Variants in NPTXR observed in about 807,000 individuals in gnomAD.
NPTXR encodes the protein neuronal pentraxin receptor.
NPTXR carries 12 observed loss-of-function variants against 32.2 expected under a neutral mutation model. The ratio of observed to expected loss-of-function variants is 0.37; its 90% CI spans 0.24 to 0.60. The LOEUF (loss-of-function observed/expected upper bound fraction) is 0.60, where lower values mean the gene tolerates loss of function less well. NPTXR is among the 20% of genes least tolerant of loss of function. NPTXR has a pLI of 0.66. For synonymous variants in NPTXR, 323 were observed against 315.8 expected, an observed-to-expected ratio of 1.02 and a Z score of -0.24; for missense variants, 612 against 682.9, an observed-to-expected ratio of 0.90 and a Z score of 1.16.
rs899093041 is a variant in NPTXR at position 38,822,435 on chromosome 22, A to G, written c.*174T>C. 8.2e-5 allele frequency: 51 copies of G among 624,442 alleles called. 1 individual carries two copies. The East Asian group carries it at 1.3e-3, about 16-fold the overall frequency. The allele number at this position is 624,442 out of a possible 1,614,324, so 38.7% of individuals were successfully genotyped here. A position where few individuals can be genotyped will look rare whatever the true frequency, so the allele number is the denominator to read the frequency against. On this transcript the variant is annotated 3_prime_UTR_variant, in exon 5 of 5. Coordinates refer to ENST00000333039, the MANE Select transcript of NPTXR (RefSeq NM_014293.4). ...CCACTCAGGTGGGGACAGGGGACAC[A>G]CTCGCAGGGCAGGGCATTCTGGAGG...
intron 3 of NPTXR, among the ~76,000 whole-genome samples, chr22:38,824,371 T>C: frequency 6.6e-6 from 1 of 152,088 alleles, no homozygotes; most frequent in East Asian, 1.9e-4. Flanking sequence ...GATGTGGAGC[T>C]GGTCCACGCC....
intron 4 of NPTXR, 64 bp downstream of exon 4, chr22:38,823,019 T>C (rs2093100620): frequency 1.3e-6 from 2 of 1,582,554 alleles, no homozygotes; most frequent in Non-Finnish European, 1.7e-6. Context: ...CTGATCTCTC[T>C]GGCCCTCAGT....
rs550388193 is a variant in NPTXR, at chr22:38,821,782, C to T, written c.*827G>A. 2 of 153,052 alleles carry T rather than the reference C, an allele frequency of 1.3e-5. No individual in the cohort carries two copies. The highest frequency in any genetic ancestry group is 4.1e-4 in the South Asian group (2 of 4,828). The allele number at this position is 153,052 out of a possible 1,614,324, so 9.5% of individuals were successfully genotyped here. A position where few individuals can be genotyped will look rare whatever the true frequency, so the allele number is the denominator to read the frequency against. ...TGGGGTCTCCTGGGCCATGAGGCCT[C>T]TACCTTAGGGCTGCTCCCAGCCCAG... On this transcript the variant is annotated 3_prime_UTR_variant, in exon 5 of 5. Coordinates refer to ENST00000333039, the MANE Select transcript of NPTXR (RefSeq NM_014293.4).
At position 38,826,485 on chromosome 22, in the gene NPTXR, G is replaced by A; in HGVS notation, c.1098+15C>T. On this transcript the variant is annotated intron_variant, in intron 3 of 4. Coordinates refer to ENST00000333039, the MANE Select transcript of NPTXR (RefSeq NM_014293.4). ...GGCCCTCCCCCAGCCAGCCCTCCCT[G>A]CCAGCCCTGCCTACCTTGTCGTTGA... 1 of 1,591,036 alleles carries A rather than the reference G, an allele frequency of 6.3e-7. No homozygotes were observed. Among genetic ancestry groups the A allele is most frequent in the East Asian group, 2.2e-5 (1 of 44,514 alleles).
In NPTXR at chr22:38,841,703, T is replaced by C. The variant is rs541872129; in HGVS notation, c.624+1532A>G. 4.6e-5 allele frequency among the ~76,000 whole-genome samples: 7 copies of C among 152,390 alleles called. No homozygotes were observed. In the South Asian group the frequency reaches 1.4e-3, roughly 32 times the overall value. On this transcript the variant is annotated intron_variant, in intron 1 of 4. Coordinates refer to ENST00000333039, the MANE Select transcript of NPTXR (RefSeq NM_014293.4). Reference sequence around the variant, plus strand: ...CTCAAATTGACTGAACATACCTGTGTGCCAGGCACTATTCTTGGCCTTTCA... The same window carrying C: ...CTCAAATTGACTGAACATACCTGTGCGCCAGGCACTATTCTTGGCCTTTCA...
chr22:38,824,725 G>C (rs1158879254), intron 3 of NPTXR, among the ~76,000 whole-genome samples: 1 of 152,208 alleles, frequency 6.6e-6, no homozygotes, highest in Non-Finnish European at 1.5e-5. Context: ...TGAGAACTGA[G>C]TGCTGAACTT....
At chr22:38,824,664 C>T (rs2093103551) in intron 3 of NPTXR, among the ~76,000 whole-genome samples, 1 of 152,176 alleles carries the variant, frequency 6.6e-6, no homozygotes, top group African/African-American at 2.4e-5. Flanking sequence ...TCTAGAGCGT[C>T]CCAGAACAGG....
chr22:38,823,795 T>C (rs564579119), intron 3 of NPTXR, among the ~76,000 whole-genome samples: 1 of 152,152 alleles, frequency 6.6e-6, no homozygotes, highest in Non-Finnish European at 1.5e-5. Flanking sequence ...GGATGGCAAA[T>C]CTTCCTCCAC....
intron 3 of NPTXR, among the ~76,000 whole-genome samples, chr22:38,825,747 G>C (rs1370278022): frequency 6.6e-6 from 1 of 152,056 alleles, no homozygotes; most frequent in Non-Finnish European, 1.5e-5. Context: ...CGAGGGGCTG[G>C]CTCCAGGGAA....
At chr22:38,822,956 C>T in intron 4 of NPTXR, 123 bp from the exon 5 acceptor site, 1 of 1,437,340 alleles carries the variant, frequency 7.0e-7, no homozygotes, top group Non-Finnish European at 9.6e-7. Flanking sequence ...ACTGAAGCCC[C>T]ACCGCCAACG....
chr22:38,825,191 A>G (rs2093104467), intron 3 of NPTXR, among the ~76,000 whole-genome samples: 1 of 152,136 alleles, frequency 6.6e-6, no homozygotes, highest in Non-Finnish European at 1.5e-5. Flanking sequence ...GCCAGGCTGA[A>G]GGAGGGGCAT....
At chr22:38,828,234 G>C in intron 2 of NPTXR, 53 bp downstream of exon 2, 1 of 1,449,184 alleles carries the variant, frequency 6.9e-7, no homozygotes. Context: ...TTTTTGAATG[G>C]CTCTGTCATC....
intron 4 of NPTXR, 96 bp downstream of exon 4, chr22:38,822,987 T>A: frequency 2.0e-6 from 3 of 1,519,378 alleles, no homozygotes; most frequent in Non-Finnish European, 2.7e-6. Flanking sequence ...ACCTTCAAGA[T>A]TCTAGTTCCT....
Position 38,828,308 on chromosome 22 carries a change from G to C in NPTXR, c.829C>G (p.Arg277Gly), listed in dbSNP as rs2093110628. ...CCACCGTGCTCCAGCTCAGCCACAC[G>C]ACCCTGCAGGACGTCCAACTCCTTT... The change falls in exon 2 of 5, where the codon CGT (arginine) becomes GGT (glycine). Residue 277 changes from arginine (R) to glycine (G), a missense_variant. Transcript: ENST00000333039. 1.2e-6 allele frequency: 2 copies of C among 1,613,460 alleles called. No homozygotes were observed. The highest frequency in any genetic ancestry group is 2.2e-5 in the East Asian group (1 of 44,884).
At chr22:38,833,938 G>A (rs937888778) in intron 1 of NPTXR, among the ~76,000 whole-genome samples, 1 of 152,182 alleles carries the variant, frequency 6.6e-6, no homozygotes, top group Admixed American at 6.5e-5. Flanking sequence ...GATTGGAAAC[G>A]TTTGGTTCTT....
intron 1 of NPTXR, among the ~76,000 whole-genome samples, chr22:38,835,973 G>A (rs961850091): frequency 1.3e-5 from 2 of 152,264 alleles, no homozygotes; most frequent in Non-Finnish European, 2.9e-5. Context: ...TCTGTGAGGA[G>A]CACCGACCTC....
rs150940294 is a variant in NPTXR, at chr22:38,833,047, C to T, written c.625-4535G>A. On this transcript the variant is annotated intron_variant, in intron 1 of 4. Transcript: ENST00000333039. The stretch of plus-strand genomic sequence containing the variant: ...TTCCCTTGCTGCAGGGAGCAGAAGG[C>T]AGGTGCAGGACTCCAGGGCCAGAGT... 5.7e-3 allele frequency among the ~76,000 whole-genome samples: 864 copies of T among 152,070 alleles called. 10 individuals are homozygous for T. The highest frequency in any genetic ancestry group is 0.02 in the African/African-American group (818 of 41,456).
Position 38,826,545 on chromosome 22 carries a change from C to G in NPTXR, c.1053G>C (p.Leu351=). The G allele has an allele frequency of 6.2e-7, 1 of 1,614,018 alleles. No individual in the cohort carries two copies. The highest frequency in any genetic ancestry group is 8.5e-7 in the Non-Finnish European group (1 of 1,179,930). Residue 351 remains leucine, a synonymous_variant, in exon 3 of 5, where the codon CTG becomes CTC. Transcript: ENST00000333039. ...CCATGGGCTCATGGCCCGCCTCTAG[C>G]AGTACAATCTCGTTGGCCTGCCCGG...
chr22:38,843,451 C>G lies in NPTXR; in HGVS notation c.408G>C (p.Thr136=). 7.3e-7 allele frequency: 1 copy of G among 1,366,054 alleles called. No homozygotes were observed. The highest frequency in any genetic ancestry group is 9.4e-7 in the Non-Finnish European group (1 of 1,065,482). 84.6% of individuals were successfully genotyped at this position (1,366,054 alleles called of 1,614,324 possible). Residue 136 remains threonine (T), a synonymous_variant, in exon 1 of 5, where the codon ACG becomes ACC. Coordinates refer to ENST00000333039, the MANE Select transcript of NPTXR (RefSeq NM_014293.4). This position sits in a 1 kb window ranked among gnomAD's most constrained non-coding sequence, Gnocchi z 5.3. The stretch of plus-strand genomic sequence containing the variant: ...GGATGCGCGCCTCCTGCTGCAGCGC[C>G]GTCTGGCGCAGCTGCTCGGCCGTGC...
Sources: allele counts gnomAD v4.1 joint callset (sites outside exome capture counted in the v4.1 genomes callset), GRCh38; gene constraint gnomAD v4.1.1; non-coding constraint Gnocchi (gnomAD v3.1); transcripts MANE v1.5; gene names NCBI Gene and HGNC (gene_info 2026-07-23, HGNC 2026-07-21).